The following ATXN10 variants were observed in gnomAD, a reference collection of about 807,000 sequenced individuals.
ATXN10 encodes the protein ataxin-10.
In ATXN10, 28 loss-of-function variants were observed where a neutral mutation model predicts 52.9. The ratio of observed to expected loss-of-function variants is 0.53; its 90% CI spans 0.39 to 0.73. ATXN10 has a LOEUF of 0.73. Among genes scored for constraint, ATXN10 ranks in the 30% least tolerant of loss-of-function variants. ATXN10 has a pLI of 0.00. For missense variants in ATXN10, 565 were observed against 577.0 expected (o/e 0.98, Z 0.21); for synonymous variants, 226 against 221.5 (o/e 1.02, Z -0.18).
chr22:45,762,219 G>A lies in ATXN10; in HGVS notation c.1173+21681G>A, dbSNP rs943608327. Among the ~76,000 whole-genome samples, 1 of 152,148 alleles carries A rather than the reference G, an allele frequency of 6.6e-6. No homozygotes were observed. The highest frequency in any genetic ancestry group is 2.4e-5 in the African/African-American group (1 of 41,430). Reference sequence around the variant, plus strand: ...TCCGAGACTGTGTTTCTATTTATTTGCCCTTTGTCTGTTTCCCCTGACCAG... The same window carrying A: ...TCCGAGACTGTGTTTCTATTTATTTACCCTTTGTCTGTTTCCCCTGACCAG... On this transcript the variant is annotated intron_variant, in intron 9 of 11. Coordinates refer to ENST00000252934, the MANE Select transcript of ATXN10 (RefSeq NM_013236.4). The surrounding 1 kb of genome is among the most constrained non-coding windows in gnomAD (Gnocchi z 4.3).
At chr22:45,785,609 T>TAA (rs1161983229) in intron 9 of ATXN10, among the ~76,000 whole-genome samples, 1 of 152,248 alleles carries the variant, frequency 6.6e-6, no homozygotes, top group Non-Finnish European at 1.5e-5. Flanking sequence ...GCAGTAGAGC[T>TAA]TTTTGGCCTG....
In ATXN10 at chr22:45,784,662, CAGCTT is replaced by C. The variant is rs1267415094; in HGVS notation, c.1174-22294_1174-22290del. Among the ~76,000 whole-genome samples, 2 of 152,164 alleles carry C rather than the reference CAGCTT, an allele frequency of 1.3e-5. No homozygotes were observed. The highest frequency in any genetic ancestry group is 2.9e-5 in the Non-Finnish European group (2 of 68,030). On this transcript the variant is annotated intron_variant, in intron 9 of 11. Coordinates refer to ENST00000252934, the MANE Select transcript of ATXN10 (RefSeq NM_013236.4). This position sits in a 1 kb window ranked among gnomAD's most constrained non-coding sequence, Gnocchi z 4.2. ...CCCCTCCCTGTGCCCAGAGGACACA[CAGCTT>C]AGAGCAGGGCCCAAATTGACCTCAT...
In ATXN10 at chr22:45,744,917, GT is replaced by G. The variant is rs1016340185; in HGVS notation, c.1173+4382del. 1 of 152,194 alleles carries G rather than the reference GT, an allele frequency of 6.6e-6. No individual in the cohort carries two copies. Among genetic ancestry groups the G allele is most frequent in the African/African-American group, 2.4e-5 (1 of 41,456 alleles). The allele number at this position is 152,194 out of a possible 1,614,324, so 9.4% of individuals were successfully genotyped here. A position where few individuals can be genotyped will look rare whatever the true frequency, so the allele number is the denominator to read the frequency against. Reference sequence around the variant, plus strand: ...AGTCTGTACACGTGATAGATGTAGTGTTTCCTGAATTGTAAAGGAATTGCTA... The same window carrying G: ...AGTCTGTACACGTGATAGATGTAGTGTTCCTGAATTGTAAAGGAATTGCTA... On this transcript the variant is annotated intron_variant, in intron 9 of 11. Coordinates refer to ENST00000252934, the MANE Select transcript of ATXN10 (RefSeq NM_013236.4). The surrounding 1 kb of genome is among the most constrained non-coding windows in gnomAD (Gnocchi z 4.9).
At chr22:45,761,983 T>C (rs1479956093) in intron 9 of ATXN10, among the ~76,000 whole-genome samples, 1 of 152,226 alleles carries the variant, frequency 6.6e-6, no homozygotes, top group Non-Finnish European at 1.5e-5. Flanking sequence ...ATGGACCATA[T>C]TCGCCTTTAA....
chr22:45,738,760 C>T lies in ATXN10; in HGVS notation c.924C>T (p.Asp308=), dbSNP rs553848858. 98 of 1,613,974 alleles carry T rather than the reference C, an allele frequency of 6.1e-5. No homozygotes were observed. In the South Asian group the frequency reaches 7.4e-4, roughly 12 times the overall value. ...CACTGGCTACAATTAGGCTTCTCGA[C>T]GTCCTGTGCGAAATGACTGTGAATA... ...EEALATIRLL[D]VLCEMTVNTE... is the part of the protein sequence containing the mutation. The change falls in exon 8 of 12, where the codon GAC becomes GAT. Residue 308 remains aspartate (D), a synonymous_variant. Coordinates refer to ENST00000252934, the MANE Select transcript of ATXN10 (RefSeq NM_013236.4).
intron 6 of ATXN10, among the ~76,000 whole-genome samples, chr22:45,719,228 A>G (rs1454326936): frequency 7.9e-5 from 12 of 152,188 alleles, no homozygotes; most frequent in Non-Finnish European, 1.5e-4. Context: ...TTCAGAAACT[A>G]CAGATCTAGT....
chr22:45,725,821 C>G (rs1342114629), intron 6 of ATXN10, among the ~76,000 whole-genome samples: 1 of 152,032 alleles, frequency 6.6e-6, no homozygotes, highest in Non-Finnish European at 1.5e-5. Context: ...GTGGCTTTTA[C>G]TATTTTGAGA....
At chr22:45,700,222 G>A (rs1033982518) in intron 3 of ATXN10, 60 bp from the exon 4 acceptor site, 10 of 1,132,568 alleles carry the variant, frequency 8.8e-6, no homozygotes, top group Admixed American at 4.2e-5. Flanking sequence ...TTCTTAAGAT[G>A]CATTTATTTA....
chr22:45,689,614 AC>A (rs1923290269), intron 1 of ATXN10, 97 bp from the exon 2 acceptor site: 9 of 1,014,940 alleles, frequency 8.9e-6, no homozygotes, highest in Non-Finnish European at 1.4e-5. Flanking sequence ...AACGTAGCGT[AC>A]CTCCCCACAA....
rs1041403305 is a variant in ATXN10 at position 45,787,137 on chromosome 22, A to T, written c.1174-19822A>T. On this transcript the variant is annotated intron_variant, in intron 9 of 11. Transcript: ENST00000252934. The surrounding 1 kb of genome is among the most constrained non-coding windows in gnomAD (Gnocchi z 4.2). Reference sequence around the variant, plus strand: ...CTAAAATACTGTATATATAAAGATGATCTTCATTTTTTAACAAATTAAGTA... The same window carrying T: ...CTAAAATACTGTATATATAAAGATGTTCTTCATTTTTTAACAAATTAAGTA... Among the ~76,000 whole-genome samples, 1 of 152,206 alleles carries T rather than the reference A, an allele frequency of 6.6e-6. No homozygotes were observed. Among genetic ancestry groups the T allele is most frequent in the East Asian group, 1.9e-4 (1 of 5,198 alleles).
chr22:45,807,143 C>T, intron 10 of ATXN10, 121 bp downstream of exon 10: 1 of 809,242 alleles, frequency 1.2e-6, no homozygotes, highest in Non-Finnish European at 2.2e-6. Flanking sequence ...TTTACTTGTT[C>T]CTGAGAACCA....
At chr22:45,704,934 C>G (rs1923982277) in intron 5 of ATXN10, among the ~76,000 whole-genome samples, 1 of 152,216 alleles carries the variant, frequency 6.6e-6, no homozygotes, top group Admixed American at 6.5e-5. Flanking sequence ...ATAAACTTTT[C>G]TTCTACTTCT....
At chr22:45,729,767 T>C (rs1350793045) in intron 7 of ATXN10, 177 bp downstream of exon 7, 9 of 752,690 alleles carry the variant, frequency 1.2e-5, no homozygotes, top group Non-Finnish European at 2.0e-5. Flanking sequence ...TCCTTATTCC[T>C]ACCATCCAGA....
chr22:45,672,274 C>A, intron 1 of ATXN10, 95 bp downstream of exon 1: 1 of 1,212,388 alleles, frequency 8.2e-7, no homozygotes, highest in Non-Finnish European at 1.0e-6. Flanking sequence ...GCCCCCGCCT[C>A]GCTGGAGACG....
rs1247923608 is a variant in ATXN10 at position 45,781,891 on chromosome 22, C to G, written c.1174-25068C>G. Reference sequence around the variant, plus strand: ...ATGCTGGAAGAAAAAAATCAGTGAACTGGAGGATGGAATAAAAATTATCCA... The same window carrying G: ...ATGCTGGAAGAAAAAAATCAGTGAAGTGGAGGATGGAATAAAAATTATCCA... On this transcript the variant is annotated intron_variant, in intron 9 of 11. Transcript: ENST00000252934. The surrounding 1 kb of genome is among the most constrained non-coding windows in gnomAD (Gnocchi z 4.2). Among the ~76,000 whole-genome samples the G allele has an allele frequency of 1.3e-5, 2 of 152,092 alleles. No homozygotes were observed. Among genetic ancestry groups the G allele is most frequent in the Admixed American group, 6.6e-5 (1 of 15,262 alleles).
chr22:45,737,850 C>T (rs1222516045), intron 7 of ATXN10, among the ~76,000 whole-genome samples: 3 of 151,976 alleles, frequency 2.0e-5, no homozygotes. Context: ...AGGCACCCAC[C>T]ACCAAGCGTG....
intron 7 of ATXN10, among the ~76,000 whole-genome samples, chr22:45,734,051 G>A (rs1320557659): frequency 6.6e-6 from 1 of 151,842 alleles, no homozygotes; most frequent in Non-Finnish European, 1.5e-5. Context: ...GTTCCCTATA[G>A]ACTTTCCAGC....
rs1033691166 is a variant in ATXN10, at chr22:45,712,414, G to T, written c.648-5999G>T. Among the ~76,000 whole-genome samples, 1 of 152,154 alleles carries T rather than the reference G, an allele frequency of 6.6e-6. No homozygotes were observed. The highest frequency in any genetic ancestry group is 1.5e-5 in the Non-Finnish European group (1 of 68,008). On this transcript the variant is annotated intron_variant, in intron 5 of 11. Coordinates refer to ENST00000252934, the MANE Select transcript of ATXN10 (RefSeq NM_013236.4). The surrounding 1 kb of genome is among the most constrained non-coding windows in gnomAD (Gnocchi z 4.6). ...ACATAGTTTAATTTCTTTGATTTTTGTTGGAGTTGAATTCTGATACATTAT... is the reference window on the plus strand; with the variant it reads ...ACATAGTTTAATTTCTTTGATTTTTTTTGGAGTTGAATTCTGATACATTAT...
At position 45,842,745 on chromosome 22, in the gene ATXN10, T is replaced by C. The variant is rs1929388081; in HGVS notation, c.1238-246T>C. Among the ~76,000 whole-genome samples, 1 of 152,168 alleles carries C rather than the reference T, an allele frequency of 6.6e-6. No individual in the cohort carries two copies. Among genetic ancestry groups the C allele is most frequent in the Non-Finnish European group, 1.5e-5 (1 of 68,028 alleles). On this transcript the variant is annotated intron_variant, in intron 10 of 11. Transcript: ENST00000252934. This position sits in a 1 kb window ranked among gnomAD's most constrained non-coding sequence, Gnocchi z 4.8. ...TCATTCAACAAATACTGAGTAAATC[T>C]CTCTGGGTGCCCGTGGCTGGACATC...
Sources: allele counts gnomAD v4.1 joint callset (sites outside exome capture counted in the v4.1 genomes callset), GRCh38; gene constraint gnomAD v4.1.1; non-coding constraint Gnocchi (gnomAD v3.1); transcripts MANE v1.5; gene names NCBI Gene and HGNC (gene_info 2026-07-23, HGNC 2026-07-21).